The following FAM187B variants were observed in gnomAD, a reference collection of about 807,000 sequenced individuals.
FAM187B encodes protein FAM187B.
Under a neutral mutation model 22.6 loss-of-function variants are expected in FAM187B, and 22 were observed. The ratio of observed to expected loss-of-function variants is 0.97; its 90% CI spans 0.70 to 1.39. The LOEUF (loss-of-function observed/expected upper bound fraction) is 1.39. Ranked by LOEUF, FAM187B falls within the 40% of genes most tolerant of loss-of-function variation. The pLI is 0.00. For synonymous variants in FAM187B, 192 were observed against 201.8 expected, an observed-to-expected ratio of 0.95 and a Z score of 0.41; for missense variants, 433 against 462.1, an observed-to-expected ratio of 0.94 and a Z score of 0.58.
At chr19:35,227,844 AC>A in intron 1 of FAM187B, 114 bp downstream of exon 1, 2 of 1,450,196 alleles carry the variant, frequency 1.4e-6, no homozygotes, top group Non-Finnish European at 1.8e-6. Flanking sequence ...TGTCCTGATG[AC>A]CACTACGTGG....
At position 35,225,185 on chromosome 19, in the gene FAM187B, G is replaced by C. The variant is rs1192295565; in HGVS notation, c.750C>G (p.Thr250=). The change falls in exon 2 of 2, where the codon ACC becomes ACG. Residue 250 remains threonine (T), a synonymous_variant. Coordinates refer to ENST00000324675, the MANE Select transcript of FAM187B (RefSeq NM_152481.2). ...AGAGCTGGCTCTCCCACGTCAGGGG[G>C]GTGTCGTTGGCACGCCAGTTGACGG... is the stretch of plus-strand genomic sequence containing the variant. ...YRPVNWRAND[T]PLTWESQLSG... is the part of the protein sequence containing the mutation. The C allele has an allele frequency of 6.6e-7, 1 of 1,513,926 alleles. No homozygotes were observed. The highest frequency in any genetic ancestry group is 2.2e-5 in the Admixed American group (1 of 44,862). The allele number at this position is 1,513,926 out of a possible 1,614,324, so 93.8% of individuals were successfully genotyped here.
chr19:35,228,011 C>T lies in FAM187B; in HGVS notation c.670G>A (p.Asp224Asn), dbSNP rs778610514. ...AGCCACACAAATTCTGTCTTCTCAT[C>T]GAGCCTGAAGTTGTCAAAAATGACG... ...DYVIFDNFRLDEKTEFVWLDC... is the reference protein window; with the variant it reads ...DYVIFDNFRLNEKTEFVWLDC... The change falls in exon 1 of 2, where the codon GAT becomes AAT. Residue 224 changes from aspartate (D) to asparagine (N), a missense_variant. Transcript: ENST00000324675. 3.7e-6 allele frequency: 6 copies of T among 1,614,012 alleles called. No homozygotes were observed. The highest frequency in any genetic ancestry group is 2.2e-5 in the East Asian group (1 of 44,878).
chr19:35,228,712 C>T lies in FAM187B; in HGVS notation c.-32G>A. On this transcript the variant is annotated 5_prime_UTR_variant, in exon 1 of 2. Coordinates refer to ENST00000324675, the MANE Select transcript of FAM187B (RefSeq NM_152481.2). ...CTGGGGCTGTGGCAGTGGGCTGGTG[C>T]CACCCCGAACATTGTGAGGTCACCC... 6 of 1,569,056 alleles carry T rather than the reference C, an allele frequency of 3.8e-6. No homozygotes were observed. The highest frequency in any genetic ancestry group is 1.2e-5 in the South Asian group (1 of 84,100).
chr19:35,227,472 G>T (rs1237278912), intron 1 of FAM187B, among the ~76,000 whole-genome samples: 3 of 152,110 alleles, frequency 2.0e-5, no homozygotes, highest in African/African-American at 7.2e-5. Flanking sequence ...CACCCACCTC[G>T]GCCTCCCAAA....
rs768197337 is a variant in FAM187B at position 35,225,186 on chromosome 19, G to T, written c.749C>A (p.Thr250Asn). The change falls in exon 2 of 2, where the codon ACC becomes AAC. Residue 250 changes from threonine (T) to asparagine (N), a missense_variant. Thr to Asn is a moderately conservative substitution (Grantham distance 65, BLOSUM62 0). Coordinates refer to ENST00000324675, the MANE Select transcript of FAM187B (RefSeq NM_152481.2). ...YRPVNWRAND[T>N]PLTWESQLSG... ...GAGCTGGCTCTCCCACGTCAGGGGG[G>T]TGTCGTTGGCACGCCAGTTGACGGG... 5.3e-6 allele frequency: 8 copies of T among 1,514,218 alleles called. No homozygotes were observed. Among genetic ancestry groups the T allele is most frequent in the Admixed American group, 2.2e-5 (1 of 44,896 alleles). 93.8% of individuals were successfully genotyped at this position (1,514,218 alleles called of 1,614,324 possible). A position where few individuals can be genotyped will look rare whatever the true frequency, so the allele number is the denominator to read the frequency against.
chr19:35,227,540 A>G (rs2065665191), intron 1 of FAM187B, among the ~76,000 whole-genome samples: 2 of 149,424 alleles, frequency 1.3e-5, no homozygotes, highest in Non-Finnish European at 3.0e-5. Context: ...ATTAAGGGGC[A>G]GGTGGACTGG....
At chr19:35,227,191 G>T (rs915408945) in intron 1 of FAM187B, among the ~76,000 whole-genome samples, 1 of 152,114 alleles carries the variant, frequency 6.6e-6, no homozygotes, top group African/African-American at 2.4e-5. Context: ...CTCCAGAAGG[G>T]TGAGACAATG....
At chr19:35,226,419 T>C (rs1008763298) in intron 1 of FAM187B, among the ~76,000 whole-genome samples, 1 of 152,066 alleles carries the variant, frequency 6.6e-6, no homozygotes, top group African/African-American at 2.4e-5. Flanking sequence ...GCTGTGATTG[T>C]GCCACTGTAC....
rs759026876 is a variant in FAM187B, at chr19:35,224,842, C to T, written c.1093G>A (p.Val365Met). ...HPSPGRRSTQ[V>M]LVVK is the part of the protein sequence containing the mutation. ...GGCTCGCTTTATTTCACCACCAGCA[C>T]CTGTGTGCTTCTCCTGCCCGGGGAA... The change falls in exon 2 of 2, where the codon GTG becomes ATG. Residue 365 changes from valine (V) to methionine (M), a missense_variant. Coordinates refer to ENST00000324675, the MANE Select transcript of FAM187B (RefSeq NM_152481.2). 9.9e-6 allele frequency: 16 copies of T among 1,611,406 alleles called. No homozygotes were observed. The highest frequency in any genetic ancestry group is 1.4e-5 in the Non-Finnish European group (16 of 1,178,502).
chr19:35,226,831 C>T (rs1304109296), intron 1 of FAM187B, among the ~76,000 whole-genome samples: 1 of 152,174 alleles, frequency 6.6e-6, no homozygotes, highest in Non-Finnish European at 1.5e-5. Context: ...CAGTGGCCCC[C>T]GCAAAATGCA....
intron 1 of FAM187B, among the ~76,000 whole-genome samples, chr19:35,226,978 A>G (rs1310723866): frequency 1.3e-5 from 2 of 152,130 alleles, no homozygotes; most frequent in Admixed American, 1.3e-4. Flanking sequence ...AGAAAAGGAA[A>G]AGAGAGACAG....
At position 35,228,166 on chromosome 19, in the gene FAM187B, A is replaced by G; in HGVS notation, c.515T>C (p.Leu172Pro). 6.2e-7 allele frequency: 1 copy of G among 1,614,202 alleles called. No homozygotes were observed. The highest frequency in any genetic ancestry group is 8.5e-7 in the Non-Finnish European group (1 of 1,180,004). ...RLGYRYIEEP[L>P]EEAMPCWLYL... ...GAGCCAGCAGGGCATGGCTTCCTCC[A>G]GAGGCTCCTCAATGTAGCGGTACCC... is the stretch of plus-strand genomic sequence containing the variant. Residue 172 changes from leucine (L) to proline (P), a missense_variant, in exon 1 of 2, where the codon CTG (leucine) becomes CCG (proline). Leu to Pro is a moderately conservative substitution (Grantham distance 98). Transcript: ENST00000324675.
chr19:35,225,073 C>G lies in FAM187B; in HGVS notation c.862G>C (p.Val288Leu), dbSNP rs1407575459. Residue 288 changes from valine to leucine, a missense_variant, in exon 2 of 2, where the codon GTG becomes CTG. Val to Leu is a conservative substitution (Grantham distance 32, BLOSUM62 1). Coordinates refer to ENST00000324675, the MANE Select transcript of FAM187B (RefSeq NM_152481.2). The part of the protein sequence containing the change: ...VFQPAVYKCF[V>L]QQELVAQFKP... ...AACTGGGCCACGAGCTCCTGCTGCA[C>G]GAAGCACTTGTAGACGGCCGGCTGG... 1.9e-6 allele frequency: 3 copies of G among 1,612,342 alleles called. No individual in the cohort carries two copies. The highest frequency in any genetic ancestry group is 2.5e-6 in the Non-Finnish European group (3 of 1,179,200).
rs774960905 is a variant in FAM187B at position 35,228,429 on chromosome 19, A to C, written c.252T>G (p.Asp84Glu). The C allele has an allele frequency of 1.1e-5, 17 of 1,614,006 alleles. No homozygotes were observed. In the African/African-American group the frequency reaches 1.7e-4, roughly 16 times the overall value. Reference sequence around the variant, plus strand: ...AGAGGCCCGTCTGGGAGGGCAATGGATCTTTAATGAGAAGGCTGCCCTCGG... The same window carrying C: ...AGAGGCCCGTCTGGGAGGGCAATGGCTCTTTAATGAGAAGGCTGCCCTCGG... The part of the protein sequence containing the change: ...IMPEGSLLIK[D>E]PLPSQTGLYH... The change falls in exon 1 of 2, where the codon GAT becomes GAG. Residue 84 changes from aspartate (D) to glutamate (E), a missense_variant. Asp to Glu is a conservative substitution (Grantham distance 45, BLOSUM62 2). Coordinates refer to ENST00000324675, the MANE Select transcript of FAM187B (RefSeq NM_152481.2).
intron 1 of FAM187B, among the ~76,000 whole-genome samples, chr19:35,226,455 C>A (rs1352368795): frequency 6.6e-6 from 1 of 151,998 alleles, no homozygotes; most frequent in South Asian, 2.1e-4. Context: ...AGAGCAAGAC[C>A]CTGTCTCTAA....
intron 1 of FAM187B, among the ~76,000 whole-genome samples, chr19:35,226,992 C>T (rs1168091625): frequency 6.6e-6 from 1 of 152,146 alleles, no homozygotes; most frequent in East Asian, 1.9e-4. Context: ...GAGACAGGGA[C>T]ACAGACACCC....
In FAM187B at chr19:35,225,104, C is replaced by T; in HGVS notation, c.831G>A (p.Gln277=). 6.2e-7 allele frequency: 1 copy of T among 1,608,248 alleles called. No homozygotes were observed. Among genetic ancestry groups the T allele is most frequent in the Non-Finnish European group, 8.5e-7 (1 of 1,177,088 alleles). ...LDPSTGGRQL[Q]VFQPAVYKCF... ...ACTTGTAGACGGCCGGCTGGAAAACCTGCAGCTGCCTGCCGCCGGTGGAGG... is the reference window on the plus strand; with the variant it reads ...ACTTGTAGACGGCCGGCTGGAAAACTTGCAGCTGCCTGCCGCCGGTGGAGG... Residue 277 remains glutamine, a synonymous_variant, in exon 2 of 2, where the codon CAG becomes CAA. Transcript: ENST00000324675.
Position 35,228,409 on chromosome 19 carries a change from C to T in FAM187B, c.272G>A (p.Gly91Asp). 6.2e-7 allele frequency: 1 copy of T among 1,613,998 alleles called. No individual in the cohort carries two copies. The highest frequency in any genetic ancestry group is 8.5e-7 in the Non-Finnish European group (1 of 1,180,034). ...ATTCTTGTTCCAGCAGTGGTAGAGG[C>T]CCGTCTGGGAGGGCAATGGATCTTT... Reference protein sequence around the residue: ...LIKDPLPSQTGLYHCWNKNGR... With the variant: ...LIKDPLPSQTDLYHCWNKNGR... Residue 91 changes from glycine to aspartate, a missense_variant, in exon 1 of 2, where the codon GGC becomes GAC. Gly to Asp is a moderately conservative substitution (Grantham distance 94). Transcript: ENST00000324675.
Position 35,224,867 on chromosome 19 carries a change from A to G in FAM187B, c.1068T>C (p.Pro356=), listed in dbSNP as rs1341533055. 6.2e-6 allele frequency: 10 copies of G among 1,613,342 alleles called. No homozygotes were observed. Among genetic ancestry groups the G allele is most frequent in the Non-Finnish European group, 5.1e-6 (6 of 1,179,704 alleles). The change falls in exon 2 of 2, where the codon CCT becomes CCC. Residue 356 remains proline, a synonymous_variant. Transcript: ENST00000324675. ...LLGALLKCIH[P]SPGRRSTQVL... ...CCTGTGTGCTTCTCCTGCCCGGGGA[A>G]GGGTGGATGCACTTGAGCAGCGCCC...
Sources: allele counts gnomAD v4.1 joint callset (sites outside exome capture counted in the v4.1 genomes callset), GRCh38; gene constraint gnomAD v4.1.1; transcripts MANE v1.5; gene names NCBI Gene and HGNC (gene_info 2026-07-23, HGNC 2026-07-21).